The following OIT3 variants were observed in gnomAD, a reference collection of about 807,000 sequenced individuals.
OIT3 encodes oncoprotein-induced transcript 3 protein.
OIT3 carries 41 observed loss-of-function variants against 52.2 expected under a neutral mutation model. The observed-to-expected ratio is 0.79, with a 90% CI of 0.61 to 1.02. OIT3 has a LOEUF of 1.02. Ranked by LOEUF, OIT3 falls within the 50% of genes least tolerant of loss-of-function variation. The pLI is 0.00. For missense variants in OIT3, 634 were observed against 715.5 expected, an observed-to-expected ratio of 0.89 and a Z score of 1.30; for synonymous variants, 244 against 276.9, an observed-to-expected ratio of 0.88 and a Z score of 1.18.
chr10:72,930,679 CTTTTTT>C, intron 8 of OIT3, 42 bp downstream of exon 8: 154 of 756,426 alleles, frequency 2.0e-4, no homozygotes, highest in South Asian at 3.5e-4. Flanking sequence ...GAACCTGAGC[CTTTTTT>C]TTTTTTTTTT....
In OIT3 at chr10:72,932,338, G is replaced by A. The variant is rs369415953; in HGVS notation, c.1468-16G>A. 115 of 1,613,162 alleles carry A rather than the reference G, an allele frequency of 7.1e-5. No homozygotes were observed. The highest frequency in any genetic ancestry group is 1.2e-4 in the South Asian group (11 of 91,044). On this transcript the variant is annotated splice_polypyrimidine_tract_variant and intron_variant, in intron 8 of 8. Transcript: ENST00000334011. ...GCAGTTATTGTTTTTATTAACAGTC[G>A]TGATCATCTCTTCAGGAAGTGTTTC...
At chr10:72,928,442 G>A in intron 7 of OIT3, among the ~76,000 whole-genome samples, 1 of 152,104 alleles carries the variant, frequency 6.6e-6, no homozygotes, top group East Asian at 1.9e-4. Flanking sequence ...TCTGCAATGT[G>A]TTACCTTGTA....
chr10:72,931,566 G>T (rs547994211), intron 8 of OIT3, among the ~76,000 whole-genome samples: 5 of 152,196 alleles, frequency 3.3e-5, no homozygotes, highest in African/African-American at 1.2e-4. Context: ...TTACAAGGGG[G>T]TAAAAGAAAA....
rs1377008336 is a variant in OIT3, at chr10:72,924,501, C to T, written c.1224C>T (p.Pro408=). 6.2e-7 allele frequency: 1 copy of T among 1,614,044 alleles called. No homozygotes were observed. Among genetic ancestry groups the T allele is most frequent in the Non-Finnish European group, 8.5e-7 (1 of 1,180,026 alleles). Residue 408 remains proline, a synonymous_variant, in exon 7 of 9, where the codon CCC becomes CCT. Coordinates refer to ENST00000334011, the MANE Select transcript of OIT3 (RefSeq NM_152635.3). ...EFEEPYREAL[P]TLKLRDSLYF... ...AAGAGCCTTACCGGGAAGCTCTGCCCACCCTCAAGCTTCGTGACTCCCTCT... is the reference window on the plus strand; with the variant it reads ...AAGAGCCTTACCGGGAAGCTCTGCCTACCCTCAAGCTTCGTGACTCCCTCT...
chr10:72,919,185 C>T (rs1029089919), intron 6 of OIT3, among the ~76,000 whole-genome samples: 2 of 151,942 alleles, frequency 1.3e-5, no homozygotes, highest in African/African-American at 4.8e-5. Flanking sequence ...TAGCTGTTTT[C>T]CTAGTTATTT....
intron 3 of OIT3, among the ~76,000 whole-genome samples, chr10:72,902,608 G>A (rs1327536907): frequency 1.3e-5 from 2 of 152,218 alleles, no homozygotes; most frequent in African/African-American, 2.4e-5. Context: ...GGAAAGAAGT[G>A]TAATTGACTC....
chr10:72,931,277 A>G (rs11000457), intron 8 of OIT3, among the ~76,000 whole-genome samples: 37,645 of 152,104 alleles, frequency 0.25, 10,752 homozygotes, highest in African/African-American at 0.7. Context: ...AATTGCCTGA[A>G]GCCAGGAGTT....
chr10:72,915,740 C>G (rs1846067127), intron 6 of OIT3, among the ~76,000 whole-genome samples: 1 of 151,970 alleles, frequency 6.6e-6, no homozygotes, highest in African/African-American at 2.4e-5. Context: ...CACAAACATG[C>G]AAAAAACATG....
chr10:72,932,475 A>G lies in OIT3; in HGVS notation c.1589A>G (p.Gln530Arg). Residue 530 changes from glutamine to arginine, a missense_variant, in exon 9 of 9, where the codon CAG (glutamine) becomes CGG (arginine). Coordinates refer to ENST00000334011, the MANE Select transcript of OIT3 (RefSeq NM_152635.3). ...GAGGEDSAGL[Q>R]GQTLTGGPIR... ...GGAGGAGAGGACTCAGCCGGTCTAC[A>G]GGGCCAGACGCTAACAGGCGGCCCG... The G allele has an allele frequency of 1.2e-6, 2 of 1,613,842 alleles. No homozygotes were observed. The highest frequency in any genetic ancestry group is 4.5e-5 in the East Asian group (2 of 44,862).
intron 7 of OIT3, among the ~76,000 whole-genome samples, chr10:72,929,803 A>C (rs113618894): frequency 0.038 from 5,739 of 152,170 alleles, 364 homozygotes; most frequent in African/African-American, 0.13. Flanking sequence ...TCAGCCTGCC[A>C]GAGTGCTGGG....
intron 4 of OIT3, among the ~76,000 whole-genome samples, chr10:72,908,396 G>C (rs1437239238): frequency 6.6e-6 from 1 of 151,976 alleles, no homozygotes; most frequent in Non-Finnish European, 1.5e-5. Context: ...ATAGAGCTGT[G>C]GTACTGGTTA....
intron 4 of OIT3, among the ~76,000 whole-genome samples, chr10:72,907,775 T>A (rs1259214071): frequency 6.6e-6 from 1 of 152,250 alleles, no homozygotes; most frequent in Non-Finnish European, 1.5e-5. Context: ...CTTTTAGATC[T>A]ATTTTTAATA....
intron 1 of OIT3, among the ~76,000 whole-genome samples, chr10:72,895,305 A>T (rs1244554972): frequency 6.6e-6 from 1 of 151,800 alleles, no homozygotes; most frequent in Non-Finnish European, 1.5e-5. Context: ...CTTTCTTCCC[A>T]CCCTTCTCCT....
At position 72,906,806 on chromosome 10, in the gene OIT3, C is replaced by A. The variant is rs375237535; in HGVS notation, c.667+88C>A. ...GATGTTCAGGAAACTGCCTTAGTGTCCGAAGAGAGCAACCGTTTGGCTGTG... is the reference window on the plus strand; with the variant it reads ...GATGTTCAGGAAACTGCCTTAGTGTACGAAGAGAGCAACCGTTTGGCTGTG... On this transcript the variant is annotated intron_variant, in intron 4 of 8. Transcript: ENST00000334011. The A allele has an allele frequency of 1.2e-5, 16 of 1,285,828 alleles. 1 individual carries two copies. In the African/African-American group the frequency reaches 2.0e-4, roughly 16 times the overall value. The allele number at this position is 1,285,828 out of a possible 1,614,324, so 79.7% of individuals were successfully genotyped here. A position where few individuals can be genotyped will look rare whatever the true frequency, so the allele number is the denominator to read the frequency against.
chr10:72,911,820 GGA>G lies in OIT3; in HGVS notation c.772_773del (p.Asp258Ter). The G allele has an allele frequency of 2.5e-6, 4 of 1,613,442 alleles. No homozygotes were observed. The highest frequency in any genetic ancestry group is 3.4e-6 in the Non-Finnish European group (4 of 1,179,634). On this transcript the variant is annotated frameshift_variant, in exon 5 of 9. Coordinates refer to ENST00000334011, the MANE Select transcript of OIT3 (RefSeq NM_152635.3). LOFTEE classifies it high-confidence loss of function. Reference sequence around the variant, plus strand: ...GTCCCCGGGGCCTGGTGCTGTCTGAGGATAACCACACTTGCCAAGGTAGTACA... The same window carrying G: ...GTCCCCGGGGCCTGGTGCTGTCTGAGTAACCACACTTGCCAAGGTAGTACA... ...ECPRGLVLSE[D>X]NHTCQVPVLC... is the part of the protein sequence containing the mutation.
intron 1 of OIT3, among the ~76,000 whole-genome samples, chr10:72,898,382 C>G (rs578178666): frequency 6.6e-6 from 1 of 152,292 alleles, no homozygotes; most frequent in African/African-American, 2.4e-5. Flanking sequence ...CCTAACCTCC[C>G]TTGGTCTGAT....
chr10:72,914,129 C>T (rs1409077527), intron 6 of OIT3, among the ~76,000 whole-genome samples: 5 of 152,074 alleles, frequency 3.3e-5, no homozygotes, highest in Non-Finnish European at 7.3e-5. Flanking sequence ...AAAGAAAGGG[C>T]CTTTCAGATA....
chr10:72,927,004 A>G (rs1846175426), intron 7 of OIT3, among the ~76,000 whole-genome samples: 1 of 152,152 alleles, frequency 6.6e-6, no homozygotes, highest in Admixed American at 6.5e-5. Flanking sequence ...TGCCCCTTAT[A>G]TTTAGTTTTT....
Position 72,924,225 on chromosome 10 carries a change from T to C in OIT3, c.952-4T>C. 6.3e-7 allele frequency: 1 copy of C among 1,585,542 alleles called. No homozygotes were observed. Among genetic ancestry groups the C allele is most frequent in the Non-Finnish European group, 8.6e-7 (1 of 1,162,238 alleles). On this transcript the variant is annotated splice_polypyrimidine_tract_variant and splice_region_variant and intron_variant, in intron 6 of 8. Transcript: ENST00000334011. Reference sequence around the variant, plus strand: ...TTTCCTCTCCTCACCCTGGCCTGGCTCAGGTGGTGAATGACAAGATTGTGG... The same window carrying C: ...TTTCCTCTCCTCACCCTGGCCTGGCCCAGGTGGTGAATGACAAGATTGTGG...
Sources: allele counts gnomAD v4.1 joint callset (sites outside exome capture counted in the v4.1 genomes callset), GRCh38; gene constraint gnomAD v4.1.1; transcripts MANE v1.5; gene names NCBI Gene and HGNC (gene_info 2026-07-23, HGNC 2026-07-21).